SMAD2: variants seen among roughly 807,000 people sequenced by gnomAD.
SMAD2 encodes the protein SMAD family member 2.
Under a neutral mutation model 64.4 loss-of-function variants are expected in SMAD2, and 8 were observed. That is an observed-to-expected ratio of 0.12 (90% CI 0.07 to 0.22). The LOEUF (loss-of-function observed/expected upper bound fraction) is 0.22, where lower values mean the gene tolerates loss of function less well. SMAD2 is among the 10% of genes least tolerant of loss of function. SMAD2 has a pLI of 1.00. For missense variants in SMAD2, 289 were observed against 561.2 expected (o/e 0.51, Z 4.90); for synonymous variants, 203 against 195.8 (o/e 1.04, Z -0.31).
rs1363938113 is a variant in SMAD2 at position 47,820,733 on chromosome 18, G to A, written c.*21094C>T. Reference sequence around the variant, plus strand: ...GTTCATGAAGGATACATTTATGAAAGGAGTTGTGTGTAATGAAGTTGGCAA... The same window carrying A: ...GTTCATGAAGGATACATTTATGAAAAGAGTTGTGTGTAATGAAGTTGGCAA... On this transcript the variant is annotated 3_prime_UTR_variant, in exon 11 of 11. Transcript: ENST00000262160. 1 of 152,142 alleles carries A rather than the reference G, an allele frequency of 6.6e-6. No homozygotes were observed. The highest frequency in any genetic ancestry group is 1.5e-5 in the Non-Finnish European group (1 of 68,018). 9.4% of individuals were successfully genotyped at this position (152,142 alleles called of 1,614,324 possible).
At chr18:47,926,895 G>A (rs568662550) in intron 1 of SMAD2, among the ~76,000 whole-genome samples, 3 of 152,258 alleles carry the variant, frequency 2.0e-5, no homozygotes, top group Admixed American at 1.3e-4. Flanking sequence ...CTGAATAAGA[G>A]GAAGGGGTTA....
rs899931799 is a variant in SMAD2, at chr18:47,839,010, G to A, written c.*2817C>T. 5.1e-6 allele frequency: 1 copy of A among 194,436 alleles called. No homozygotes were observed. Among genetic ancestry groups the A allele is most frequent in the Admixed American group, 8.0e-5 (1 of 12,536 alleles). The allele number at this position is 194,436 out of a possible 1,614,324, so 12.0% of individuals were successfully genotyped here. On this transcript the variant is annotated 3_prime_UTR_variant, in exon 11 of 11. Coordinates refer to ENST00000262160, the MANE Select transcript of SMAD2 (RefSeq NM_005901.6). The stretch of plus-strand genomic sequence containing the variant: ...AATGAAAACCACACCTATAAATGGG[G>A]GGAGGGGCAGAAAACAAAAAAAAAA...
Position 47,828,303 on chromosome 18 carries a change from T to A in SMAD2, c.*13524A>T, listed in dbSNP as rs1028468083. ...AACCCCCGCCCGGCCAGCTGCCCCGTTCGGGAGGTGGGGGGCAGCCCCCGG... is the reference window on the plus strand; with the variant it reads ...AACCCCCGCCCGGCCAGCTGCCCCGATCGGGAGGTGGGGGGCAGCCCCCGG... On this transcript the variant is annotated 3_prime_UTR_variant, in exon 11 of 11. Transcript: ENST00000262160. 6.7e-6 allele frequency: 1 copy of A among 149,484 alleles called. No individual in the cohort carries two copies. Among genetic ancestry groups the A allele is most frequent in the African/African-American group, 2.5e-5 (1 of 39,478 alleles). The allele number at this position is 149,484 out of a possible 1,614,324, so 9.3% of individuals were successfully genotyped here. A position where few individuals can be genotyped will look rare whatever the true frequency, so the allele number is the denominator to read the frequency against.
chr18:47,885,705 T>C (rs1185441667), intron 2 of SMAD2, among the ~76,000 whole-genome samples: 1 of 152,096 alleles, frequency 6.6e-6, no homozygotes, highest in African/African-American at 2.4e-5. Flanking sequence ...CTCACGCTTG[T>C]AATCCCAGCA....
intron 6 of SMAD2, among the ~76,000 whole-genome samples, chr18:47,851,671 T>A (rs2030098536): frequency 6.6e-6 from 1 of 152,178 alleles, no homozygotes; most frequent in African/African-American, 2.4e-5. Context: ...TCTTTTCATA[T>A]ACAAGTGGTA....
chr18:47,882,831 T>C (rs2032686628), intron 2 of SMAD2, among the ~76,000 whole-genome samples: 1 of 152,236 alleles, frequency 6.6e-6, no homozygotes, highest in African/African-American at 2.4e-5. Context: ...TATTTCTTCA[T>C]GCATCAGCTG....
In SMAD2 at chr18:47,836,359, T is replaced by C. The variant is rs1476307820; in HGVS notation, c.*5468A>G. On this transcript the variant is annotated 3_prime_UTR_variant, in exon 11 of 11. Coordinates refer to ENST00000262160, the MANE Select transcript of SMAD2 (RefSeq NM_005901.6). ...TATAATAATTTAGTAACGGGGTATATGGCAGAGCTTTCTTTGATGTTAACA... is the reference window on the plus strand; with the variant it reads ...TATAATAATTTAGTAACGGGGTATACGGCAGAGCTTTCTTTGATGTTAACA... The C allele has an allele frequency of 4.5e-6, 1 of 222,286 alleles. No individual in the cohort carries two copies. Among genetic ancestry groups the C allele is most frequent in the Non-Finnish European group, 9.0e-6 (1 of 111,234 alleles). 13.8% of individuals were successfully genotyped at this position (222,286 alleles called of 1,614,324 possible).
chr18:47,885,635 A>G (rs1027882217), intron 2 of SMAD2, among the ~76,000 whole-genome samples: 2 of 152,178 alleles, frequency 1.3e-5, no homozygotes, highest in Non-Finnish European at 2.9e-5. Context: ...AGAAAATACT[A>G]GAGGAAAAAC....
Position 47,809,375 on chromosome 18 carries a change from T to C in SMAD2, c.*32452A>G, listed in dbSNP as rs1054398853. On this transcript the variant is annotated 3_prime_UTR_variant, in exon 11 of 11. Transcript: ENST00000262160. ...AGCAAGGTGAGGGGTGGGGATGGTA[T>C]TCTATATCCCTCCAATCTGGAACTG... 3.9e-5 allele frequency: 6 copies of C among 152,508 alleles called. No homozygotes were observed. Among genetic ancestry groups the C allele is most frequent in the African/African-American group, 1.4e-4 (6 of 41,460 alleles). 9.4% of individuals were successfully genotyped at this position (152,508 alleles called of 1,614,324 possible).
chr18:47,836,329 G>A lies in SMAD2; in HGVS notation c.*5498C>T, dbSNP rs992565292. 5.8e-5 allele frequency: 13 copies of A among 223,172 alleles called. 1 individual carries two copies. The highest frequency in any genetic ancestry group is 5.7e-4 in the Admixed American group (10 of 17,480). 13.8% of individuals were successfully genotyped at this position (223,172 alleles called of 1,614,324 possible). A position where few individuals can be genotyped will look rare whatever the true frequency, so the allele number is the denominator to read the frequency against. On this transcript the variant is annotated 3_prime_UTR_variant, in exon 11 of 11. Transcript: ENST00000262160. ...AAGTTAGTACATCCCAGAATCTGCT[G>A]GATGTATAATAATTTAGTAACGGGG...
rs1191753654 is a variant in SMAD2 at position 47,809,362 on chromosome 18, G to A, written c.*32465C>T. 6.6e-6 allele frequency: 1 copy of A among 152,514 alleles called. No homozygotes were observed. Among genetic ancestry groups the A allele is most frequent in the Non-Finnish European group, 1.5e-5 (1 of 68,280 alleles). The allele number at this position is 152,514 out of a possible 1,614,324, so 9.4% of individuals were successfully genotyped here. Reference sequence around the variant, plus strand: ...CCAGGCCAGAGCAAGCAAGGTGAGGGGTGGGGATGGTATTCTATATCCCTC... The same window carrying A: ...CCAGGCCAGAGCAAGCAAGGTGAGGAGTGGGGATGGTATTCTATATCCCTC... On this transcript the variant is annotated 3_prime_UTR_variant, in exon 11 of 11. Coordinates refer to ENST00000262160, the MANE Select transcript of SMAD2 (RefSeq NM_005901.6).
intron 2 of SMAD2, among the ~76,000 whole-genome samples, chr18:47,877,748 G>A (rs895031396): frequency 6.6e-6 from 1 of 151,468 alleles, no homozygotes; most frequent in African/African-American, 2.4e-5. Flanking sequence ...ATAAGTAGGT[G>A]CAAATGATTT....
chr18:47,911,535 C>T (rs886589089), intron 1 of SMAD2, among the ~76,000 whole-genome samples: 2 of 152,152 alleles, frequency 1.3e-5, no homozygotes, highest in African/African-American at 4.8e-5. Context: ...GCCATGTCAA[C>T]CCTTTTTAGG....
intron 2 of SMAD2, among the ~76,000 whole-genome samples, chr18:47,893,080 T>A (rs181871500): frequency 1.3e-5 from 2 of 152,320 alleles, no homozygotes; most frequent in African/African-American, 4.8e-5. Context: ...CCAAGTTGTC[T>A]CCCATCCCTC....
intron 2 of SMAD2, among the ~76,000 whole-genome samples, chr18:47,882,161 G>A (rs1418543589): frequency 1.5e-5 from 2 of 135,794 alleles, no homozygotes; most frequent in Non-Finnish European, 3.2e-5. Flanking sequence ...GCTGGGATTA[G>A]AGGCATAAGC....
At position 47,809,316 on chromosome 18, in the gene SMAD2, T is replaced by C. The variant is rs954910526; in HGVS notation, c.*32511A>G. The C allele has an allele frequency of 2.6e-5, 4 of 152,130 alleles. No homozygotes were observed. The highest frequency in any genetic ancestry group is 4.8e-5 in the African/African-American group (2 of 41,358). 9.4% of individuals were successfully genotyped at this position (152,130 alleles called of 1,614,324 possible). On this transcript the variant is annotated 3_prime_UTR_variant, in exon 11 of 11. Transcript: ENST00000262160. Reference sequence around the variant, plus strand: ...GAAGCATATGGCAGATGCCAGCTGGTGGTAAAGGAATGACAGTTTTCCAGG... The same window carrying C: ...GAAGCATATGGCAGATGCCAGCTGGCGGTAAAGGAATGACAGTTTTCCAGG...
chr18:47,919,723 A>G (rs544793157), intron 1 of SMAD2, among the ~76,000 whole-genome samples: 36 of 152,292 alleles, frequency 2.4e-4, no homozygotes, highest in Middle Eastern at 3.4e-3. Flanking sequence ...CATAACCTTC[A>G]CTGATTAGAG....
intron 1 of SMAD2, among the ~76,000 whole-genome samples, chr18:47,912,945 G>C (rs1309512866): frequency 1.3e-5 from 2 of 148,400 alleles, no homozygotes; most frequent in Non-Finnish European, 3.0e-5. Flanking sequence ...TTTTTGAGGA[G>C]TTTCACTCTT....
In SMAD2 at chr18:47,822,270, T is replaced by A. The variant is rs1011210570; in HGVS notation, c.*19557A>T. 6.6e-6 allele frequency: 1 copy of A among 152,248 alleles called. No homozygotes were observed. The highest frequency in any genetic ancestry group is 2.4e-5 in the African/African-American group (1 of 41,474). 9.4% of individuals were successfully genotyped at this position (152,248 alleles called of 1,614,324 possible). A position where few individuals can be genotyped will look rare whatever the true frequency, so the allele number is the denominator to read the frequency against. The stretch of plus-strand genomic sequence containing the variant: ...CTCATCAGATTTTTAATCATGGTTA[T>A]TCTAAGTTTTTGTAATTCCCAGTTA... On this transcript the variant is annotated 3_prime_UTR_variant, in exon 11 of 11. Transcript: ENST00000262160.
Sources: allele counts gnomAD v4.1 joint callset (sites outside exome capture counted in the v4.1 genomes callset), GRCh38; gene constraint gnomAD v4.1.1; transcripts MANE v1.5; gene names NCBI Gene and HGNC (gene_info 2026-07-23, HGNC 2026-07-21).